The following RYR2 variants were observed in gnomAD, a reference collection of about 807,000 sequenced individuals.
The protein encoded by RYR2 is ryanodine receptor 2, also known as cardiac muscle ryanodine receptor-calcium release channel.
RYR2 carries 227 observed loss-of-function variants against 601.1 expected under a neutral mutation model. The observed-to-expected ratio is 0.38, with a 90% CI of 0.34 to 0.42. RYR2 has a LOEUF of 0.42. Ranked by LOEUF, RYR2 falls within the 10% of genes least tolerant of loss-of-function variation. RYR2 has a pLI of 1.00. For missense variants in RYR2, 4,646 were observed against 6,156.5 expected (o/e 0.75, Z 8.21); for synonymous variants, 2,223 against 2,175.1 (o/e 1.02, Z -0.61).
intron 23 of RYR2, among the ~76,000 whole-genome samples, 175 bp downstream of exon 23, chr1:237,506,989 G>T (rs1665332609): frequency 6.6e-6 from 1 of 152,154 alleles, no homozygotes; most frequent in African/African-American, 2.4e-5. Context: ...GTAGTTAATG[G>T]GGCTGACAGG....
At chr1:237,818,419 A>AT (rs1273455906) in intron 100 of RYR2, among the ~76,000 whole-genome samples, 6 of 152,040 alleles carry the variant, frequency 3.9e-5, no homozygotes, top group Admixed American at 1.3e-4. Flanking sequence ...TGAACCCCTC[A>AT]TTTTTTAGCA....
intron 22 of RYR2, among the ~76,000 whole-genome samples, chr1:237,505,559 A>T (rs1387670054): frequency 6.6e-6 from 1 of 152,218 alleles, no homozygotes; most frequent in Non-Finnish European, 1.5e-5. Context: ...GCCCATTGCT[A>T]AAAGGTGGGA....
chr1:237,446,649 G>C (rs947255774), intron 14 of RYR2, among the ~76,000 whole-genome samples: 2 of 151,920 alleles, frequency 1.3e-5, no homozygotes, highest in Non-Finnish European at 2.9e-5. Context: ...CATACACACT[G>C]TGTGTATATG....
intron 85 of RYR2, 115 bp from the exon 86 acceptor site, chr1:237,771,897 C>T (rs1573887052): frequency 1.6e-6 from 1 of 641,622 alleles, no homozygotes; most frequent in Non-Finnish European, 2.8e-6. Flanking sequence ...TAGATAAAAA[C>T]ACTGCACTAA....
At position 237,632,869 on chromosome 1, in the gene RYR2, A is replaced by G. The variant is rs182787402; in HGVS notation, c.6556-709A>G. Reference sequence around the variant, plus strand: ...TTTTTCACAATACTGAAATAAGCCCATATTTCATATGATCAGTCTGTTTAC... The same window carrying G: ...TTTTTCACAATACTGAAATAAGCCCGTATTTCATATGATCAGTCTGTTTAC... On this transcript the variant is annotated intron_variant, in intron 42 of 104. Transcript: ENST00000366574. Among the ~76,000 whole-genome samples the G allele has an allele frequency of 3.6e-3, 550 of 152,346 alleles. 9 individuals carry two copies. The highest frequency in any genetic ancestry group is 0.013 in the African/African-American group (531 of 41,582).
chr1:237,391,728 C>T (rs1295878365), intron 10 of RYR2, among the ~76,000 whole-genome samples: 1 of 152,092 alleles, frequency 6.6e-6, no homozygotes, highest in African/African-American at 2.4e-5. Context: ...TTACCTTCCT[C>T]TTCACATTTA....
chr1:237,639,471 G>C (rs1221583908), intron 46 of RYR2, among the ~76,000 whole-genome samples: 2 of 152,194 alleles, frequency 1.3e-5, no homozygotes, highest in African/African-American at 4.8e-5. Flanking sequence ...TCCTAGGGGA[G>C]CTAGGGCAAG....
chr1:237,134,004 GTTTCCGTTGGTGGT>G lies in RYR2; in HGVS notation c.48+91437_48+91450del, dbSNP rs370192182. Among the ~76,000 whole-genome samples the G allele has an allele frequency of 6.2e-3, 932 of 151,526 alleles. 11 individuals carry two copies. The highest frequency in any genetic ancestry group is 0.021 in the African/African-American group (864 of 41,262). On this transcript the variant is annotated intron_variant, in intron 1 of 104. Transcript: ENST00000366574. Reference sequence around the variant, plus strand: ...AACTTGCACCCTTTTGGTTGTCCACGTTTCCGTTGGTGGTTATTGGAGGTGTTCCCTTGGGTCTG... The same window carrying G: ...AACTTGCACCCTTTTGGTTGTCCACGTATTGGAGGTGTTCCCTTGGGTCTG...
chr1:237,816,337 T>C (rs1661818630), intron 100 of RYR2, among the ~76,000 whole-genome samples: 1 of 152,182 alleles, frequency 6.6e-6, no homozygotes, highest in Admixed American at 6.5e-5. Flanking sequence ...TTAACCACTC[T>C]TTGTTGATTT....
At chr1:237,140,170 G>A (rs1018416501) in intron 1 of RYR2, among the ~76,000 whole-genome samples, 4 of 152,320 alleles carry the variant, frequency 2.6e-5, no homozygotes, top group African/African-American at 7.2e-5. Flanking sequence ...TACACCTAAC[G>A]TCTTTTTTGG....
In RYR2 at chr1:237,535,105, G is replaced by T. The variant is rs142216301; in HGVS notation, c.2906+4595G>T. Among the ~76,000 whole-genome samples, 718 of 151,486 alleles carry T rather than the reference G, an allele frequency of 4.7e-3. 5 individuals are homozygous for T. Among genetic ancestry groups the T allele is most frequent in the African/African-American group, 0.016 (674 of 41,370 alleles). On this transcript the variant is annotated intron_variant, in intron 25 of 104. Coordinates refer to ENST00000366574, the MANE Select transcript of RYR2 (RefSeq NM_001035.3). Reference sequence around the variant, plus strand: ...GAAATTGTAAAACAATAATGGAAAAGGAAAATATTTCATATTAAAACATGA... The same window carrying T: ...GAAATTGTAAAACAATAATGGAAAATGAAAATATTTCATATTAAAACATGA...
intron 91 of RYR2, among the ~76,000 whole-genome samples, chr1:237,787,516 C>T (rs901120793): frequency 1.6e-4 from 24 of 146,876 alleles, no homozygotes; most frequent in African/African-American, 5.1e-4. Context: ...CACTTGAACC[C>T]GGGAGCTGGA....
At chr1:237,661,335 G>A (rs892433948) in intron 56 of RYR2, among the ~76,000 whole-genome samples, 3 of 152,014 alleles carry the variant, frequency 2.0e-5, no homozygotes, top group South Asian at 2.1e-4. Flanking sequence ...ATCACACACC[G>A]GGGCCTGTCA....
rs998958775 is a variant in RYR2, at chr1:237,484,987, C to T, written c.1709-6819C>T. On this transcript the variant is annotated intron_variant, in intron 17 of 104. Coordinates refer to ENST00000366574, the MANE Select transcript of RYR2 (RefSeq NM_001035.3). ...TAAGGCAAATGGCTAAATATTTGCA[C>T]GTATTAAACATGCAGTGCCTGCAGC... Among the ~76,000 whole-genome samples, 6 of 152,138 alleles carry T rather than the reference C, an allele frequency of 3.9e-5. No homozygotes were observed. In the East Asian group the frequency reaches 7.7e-4, roughly 20 times the overall value.
At chr1:237,062,904 T>G (rs1204067541) in intron 1 of RYR2, among the ~76,000 whole-genome samples, 2 of 152,156 alleles carry the variant, frequency 1.3e-5, no homozygotes, top group African/African-American at 4.8e-5. Flanking sequence ...GTATTGGGAG[T>G]CTTACACTGT....
chr1:237,808,305 A>G (rs1335037532), intron 99 of RYR2, among the ~76,000 whole-genome samples: 1 of 152,218 alleles, frequency 6.6e-6, no homozygotes, highest in Non-Finnish European at 1.5e-5. Flanking sequence ...AATAATTTAC[A>G]GTCATAACAA....
chr1:237,160,632 G>A lies in RYR2; in HGVS notation c.49-109865G>A, dbSNP rs184511082. On this transcript the variant is annotated intron_variant, in intron 1 of 104. Transcript: ENST00000366574. ...GTATATTCATCCTGCTAATTGAGTT[G>A]TCCATTTTACTAATGTCTTCTGACA... Among the ~76,000 whole-genome samples, 404 of 151,854 alleles carry A rather than the reference G, an allele frequency of 2.7e-3. 3 individuals carry two copies. The highest frequency in any genetic ancestry group is 9.3e-3 in the African/African-American group (386 of 41,404).
At chr1:237,534,687 CTTTG>C (rs755741792) in intron 25 of RYR2, among the ~76,000 whole-genome samples, 6 of 151,918 alleles carry the variant, frequency 3.9e-5, no homozygotes, top group East Asian at 1.9e-4. Context: ...ACCACTCTGC[CTTTG>C]TTTATTTCTA....
intron 41 of RYR2, among the ~76,000 whole-genome samples, chr1:237,630,495 A>G (rs937890462): frequency 1.3e-5 from 2 of 152,174 alleles, no homozygotes; most frequent in African/African-American, 2.4e-5. Flanking sequence ...TTCTTGATAT[A>G]GCCAGAGTAA....
Sources: allele counts gnomAD v4.1 joint callset (sites outside exome capture counted in the v4.1 genomes callset), GRCh38; gene constraint gnomAD v4.1.1; transcripts MANE v1.5; gene names NCBI Gene and HGNC (gene_info 2026-07-23, HGNC 2026-07-21).